Variants in RAB44 observed in about 807,000 individuals in gnomAD.
RAB44 encodes RAB44, member RAS oncogene family.
RAB44 carries 67 observed loss-of-function variants against 93.3 expected under a neutral mutation model. The observed-to-expected ratio is 0.72, with a 90% CI of 0.59 to 0.88. RAB44 has a LOEUF of 0.88. Ranked by LOEUF, RAB44 falls within the 40% of genes least tolerant of loss-of-function variation. The probability of loss-of-function intolerance (pLI) is 0.00; values close to 1 mark genes in which losing one functional copy is unlikely to be tolerated. For synonymous variants in RAB44, 427 were observed against 520.3 expected, an observed-to-expected ratio of 0.82 and a Z score of 2.44; for missense variants, 1,064 against 1,261.7, an observed-to-expected ratio of 0.84 and a Z score of 2.37.
At chr6:36,698,707 AGGGT>A (rs989468616) in intron 1 of RAB44, among the ~76,000 whole-genome samples, 3 of 151,876 alleles carry the variant, frequency 2.0e-5, no homozygotes, top group Admixed American at 2.0e-4. Context: ...GGGCGCTGGC[AGGGT>A]GGCCCTGCCA....
Position 36,722,483 on chromosome 6 carries a change from C to G in RAB44, c.2349C>G (p.His783Gln), listed in dbSNP as rs894212630. 2.0e-6 allele frequency: 3 copies of G among 1,475,078 alleles called. No homozygotes were observed. The highest frequency in any genetic ancestry group is 2.7e-6 in the Non-Finnish European group (3 of 1,113,750). 91.4% of individuals were successfully genotyped at this position (1,475,078 alleles called of 1,614,324 possible). A position where few individuals can be genotyped will look rare whatever the true frequency, so the allele number is the denominator to read the frequency against. ...CCAGGCCATCCCTCACGACTGCTCA[C>G]GCAGAAGAACAAGGCCCGCCTCACT... ...AQPRPSLTTAHAEEQGPPHSR... is the reference protein window; with the variant it reads ...AQPRPSLTTAQAEEQGPPHSR... The change falls in exon 9 of 14, where the codon CAC becomes CAG. Residue 783 changes from histidine to glutamine, a missense_variant. By Grantham distance (24) the His-to-Gln change is conservative. Transcript: ENST00000612677.
chr6:36,707,359 C>CAA (rs71540164), intron 2 of RAB44, among the ~76,000 whole-genome samples: 2 of 119,554 alleles, frequency 1.7e-5, no homozygotes, highest in Admixed American at 8.6e-5. Context: ...GGCTCTGTCT[C>CAA]AAAAAAAAAA....
At chr6:36,704,153 G>A (rs1379460640) in intron 1 of RAB44, 71 bp from the exon 2 acceptor site, 10 of 1,321,306 alleles carry the variant, frequency 7.6e-6, no homozygotes, top group Middle Eastern at 2.1e-4. Context: ...ATGGGAGCCA[G>A]GGGAGGGTTT....
At chr6:36,716,469 C>CA (rs567193522) in intron 4 of RAB44, among the ~76,000 whole-genome samples, 14,410 of 75,968 alleles carry the variant, frequency 0.19, 959 homozygotes, top group East Asian at 0.25. Flanking sequence ...GACTCTGTCT[C>CA]AAAAAAAAAA....
chr6:36,723,962 C>T (rs145448294), intron 9 of RAB44, among the ~76,000 whole-genome samples: 10 of 151,422 alleles, frequency 6.6e-5, no homozygotes, highest in East Asian at 3.9e-4. Context: ...CCAGACCAGT[C>T]GGTAAATGAC....
chr6:36,721,245 G>A lies in RAB44; in HGVS notation c.1111G>A (p.Asp371Asn). 3.2e-6 allele frequency: 4 copies of A among 1,234,268 alleles called. No individual in the cohort carries two copies. Among genetic ancestry groups the A allele is most frequent in the Non-Finnish European group, 4.0e-6 (4 of 988,220 alleles). 76.5% of individuals were successfully genotyped at this position (1,234,268 alleles called of 1,614,324 possible). Residue 371 changes from aspartate to asparagine, a missense_variant, in exon 9 of 14, where the codon GAC becomes AAC. Transcript: ENST00000612677. ...PGLFGDNDDW[D>N]QLLSNFGSPP... Reference sequence around the variant, plus strand: ...GCTATTTGGGGACAACGATGACTGGGACCAGCTACTGAGCAACTTTGGCAG... The same window carrying A: ...GCTATTTGGGGACAACGATGACTGGAACCAGCTACTGAGCAACTTTGGCAG...
At chr6:36,702,749 C>T (rs892331050) in intron 1 of RAB44, among the ~76,000 whole-genome samples, 9 of 152,212 alleles carry the variant, frequency 5.9e-5, no homozygotes, top group South Asian at 2.1e-4. Context: ...GACTTGTTCC[C>T]GCAAAGCAGG....
In RAB44 at chr6:36,717,621, G is replaced by A. The variant is rs1315010293; in HGVS notation, c.641+202G>A. Among the ~76,000 whole-genome samples, 4 of 152,014 alleles carry A rather than the reference G, an allele frequency of 2.6e-5. No individual in the cohort carries two copies. In the East Asian group the frequency reaches 7.7e-4, roughly 29 times the overall value. ...ATGGCAGGAGTGGGAAGGGCAGGGT[G>A]TGTCTTGGTACAGGACCCACTGTGA... On this transcript the variant is annotated intron_variant, in intron 5 of 13. Coordinates refer to ENST00000612677, the MANE Select transcript of RAB44 (RefSeq NM_001257357.2). The surrounding 1 kb of genome is among the most constrained non-coding windows in gnomAD (Gnocchi z 4.1).
In RAB44 at chr6:36,722,869, A is replaced by G. The variant is rs1763132865; in HGVS notation, c.2599+136A>G. ...CCTGGCCACGGGCCCTGCATTAGAC[A>G]TTGTTTTATATGGGCATAACCTTAC... On this transcript the variant is annotated intron_variant, in intron 9 of 13. Transcript: ENST00000612677. 1.2e-5 allele frequency: 11 copies of G among 946,158 alleles called. No homozygotes were observed. The Admixed American group carries it at 3.1e-4, about 27-fold the overall frequency. 58.6% of individuals were successfully genotyped at this position (946,158 alleles called of 1,614,324 possible). A position where few individuals can be genotyped will look rare whatever the true frequency, so the allele number is the denominator to read the frequency against.
In RAB44 at chr6:36,721,521, C is replaced by A; in HGVS notation, c.1387C>A (p.Pro463Thr). 8.1e-7 allele frequency: 1 copy of A among 1,234,548 alleles called. No individual in the cohort carries two copies. Among genetic ancestry groups the A allele is most frequent in the Non-Finnish European group, 1.0e-6 (1 of 988,336 alleles). The allele number at this position is 1,234,548 out of a possible 1,614,324, so 76.5% of individuals were successfully genotyped here. Reference sequence around the variant, plus strand: ...CATTAGAGCAGAGCAGCCTGTTGAACCGCACGACCCGGACCCCAACCAGGA... The same window carrying A: ...CATTAGAGCAGAGCAGCCTGTTGAAACGCACGACCCGGACCCCAACCAGGA... ...QDIRAEQPVE[P>T]HDPDPNQEPG... is the part of the protein sequence containing the mutation. The change falls in exon 9 of 14, where the codon CCG (proline) becomes ACG (threonine). Residue 463 changes from proline to threonine, a missense_variant. By Grantham distance (38) the Pro-to-Thr change is conservative. Transcript: ENST00000612677.
intron 9 of RAB44, among the ~76,000 whole-genome samples, chr6:36,725,645 T>C (rs1763218099): frequency 6.6e-6 from 1 of 152,218 alleles, no homozygotes; most frequent in Admixed American, 6.5e-5. Flanking sequence ...CAAGGTGCCC[T>C]GTGTTGGCAC....
rs1264052619 is a variant in RAB44 at position 36,721,956 on chromosome 6, A to G, written c.1822A>G (p.Arg608Gly). ...SEPRLGTQRA[R>G]ALTLGPAEPF... is the part of the protein sequence containing the mutation. ...GCCAAGACTGGGGACCCAGAGGGCT[A>G]GAGCCCTCACCCTGGGGCCAGCTGA... The change falls in exon 9 of 14, where the codon AGA (arginine) becomes GGA (glycine). Residue 608 changes from arginine to glycine, a missense_variant. Transcript: ENST00000612677. 1.6e-6 allele frequency: 2 copies of G among 1,234,600 alleles called. No homozygotes were observed. The highest frequency in any genetic ancestry group is 6.3e-5 in the East Asian group (2 of 31,712). The allele number at this position is 1,234,600 out of a possible 1,614,324, so 76.5% of individuals were successfully genotyped here. A position where few individuals can be genotyped will look rare whatever the true frequency, so the allele number is the denominator to read the frequency against.
intron 9 of RAB44, among the ~76,000 whole-genome samples, 178 bp downstream of exon 9, chr6:36,722,911 T>C (rs1021660462): frequency 5.3e-5 from 8 of 152,276 alleles, no homozygotes; most frequent in African/African-American, 1.9e-4. Context: ...ACTAATCGTC[T>C]CTAATTACAG....
chr6:36,715,547 G>T lies in RAB44; in HGVS notation c.388G>T (p.Val130Leu). 3.3e-6 allele frequency: 5 copies of T among 1,536,174 alleles called. No individual in the cohort carries two copies. The highest frequency in any genetic ancestry group is 4.4e-6 in the Non-Finnish European group (5 of 1,146,920). ...AAGGAAGCCACTGCCCTCTAAGCGG[G>T]TATCTGCTACCACCAGCTTCCCAGC... Reference protein sequence around the residue: ...RRRKPLPSKRVSATTSFPALE... With the variant: ...RRRKPLPSKRLSATTSFPALE... The change falls in exon 4 of 14, where the codon GTA (valine) becomes TTA (leucine). Residue 130 changes from valine to leucine, a missense_variant. Val to Leu is a conservative substitution (Grantham distance 32). Transcript: ENST00000612677.
At position 36,731,977 on chromosome 6, in the gene RAB44, G is replaced by T; in HGVS notation, c.2976-26G>T. The T allele has an allele frequency of 2.4e-6, 3 of 1,229,202 alleles. No homozygotes were observed. Among genetic ancestry groups the T allele is most frequent in the Non-Finnish European group, 3.0e-6 (3 of 984,452 alleles). 76.1% of individuals were successfully genotyped at this position (1,229,202 alleles called of 1,614,324 possible). A position where few individuals can be genotyped will look rare whatever the true frequency, so the allele number is the denominator to read the frequency against. On this transcript the variant is annotated intron_variant, in intron 13 of 13. Transcript: ENST00000612677. This position sits in a 1 kb window ranked among gnomAD's most constrained non-coding sequence, Gnocchi z 4.0. Reference sequence around the variant, plus strand: ...GCTGCCCGTAGGAGGTGAGAGAGAGGCCTGATGCCTGGCACTGTCACATAG... The same window carrying T: ...GCTGCCCGTAGGAGGTGAGAGAGAGTCCTGATGCCTGGCACTGTCACATAG...
intron 11 of RAB44, 89 bp from the exon 12 acceptor site, chr6:36,728,611 G>A (rs1409345626): frequency 5.7e-5 from 58 of 1,016,370 alleles, no homozygotes; most frequent in South Asian, 4.4e-4. Flanking sequence ...GGGAACATGC[G>A]GGGGACACAG....
rs1763374598 is a variant in RAB44 at position 36,732,016 on chromosome 6, C to A, written c.2989C>A (p.Gln997Lys). The A allele has an allele frequency of 4.1e-6, 5 of 1,234,182 alleles. No homozygotes were observed. In the South Asian group the frequency reaches 1.2e-4, roughly 30 times the overall value. The allele number at this position is 1,234,182 out of a possible 1,614,324, so 76.5% of individuals were successfully genotyped here. A position where few individuals can be genotyped will look rare whatever the true frequency, so the allele number is the denominator to read the frequency against. The change falls in exon 14 of 14, where the codon CAA becomes AAA. Residue 997 changes from glutamine to lysine, a missense_variant. Physicochemically the swap from Gln to Lys is moderately conservative, Grantham distance 53. Coordinates refer to ENST00000612677, the MANE Select transcript of RAB44 (RefSeq NM_001257357.2). Reference sequence around the variant, plus strand: ...ACTGTCACATAGGTCACTCAGGATGCAAGAAGAAGGCCTGAAGGACTCGCT... The same window carrying A: ...ACTGTCACATAGGTCACTCAGGATGAAAGAAGAAGGCCTGAAGGACTCGCT... ...VVNLARSLRM[Q>K]EEGLKDSLVK...
rs564653772 is a variant in RAB44 at position 36,727,605 on chromosome 6, C to T, written c.2710C>T (p.Arg904Cys). 1.3e-5 allele frequency: 20 copies of T among 1,550,558 alleles called. No individual in the cohort carries two copies. Among genetic ancestry groups the T allele is most frequent in the African/African-American group, 1.1e-4 (8 of 73,172 alleles). ...RYHSMTRQLL[R>C]KADGVVLMYD... is the part of the protein sequence containing the mutation. ...CCACAGTATGACGCGACAGCTGCTC[C>T]GCAAGGCTGACGGGGTGGTGCTCAT... The change falls in exon 11 of 14, where the codon CGC becomes TGC. Residue 904 changes from arginine (R) to cysteine (C), a missense_variant. Physicochemically the swap from Arg to Cys is radical, Grantham distance 180. Transcript: ENST00000612677.
intron 1 of RAB44, among the ~76,000 whole-genome samples, chr6:36,700,762 C>T (rs1472984380): frequency 2.6e-5 from 4 of 152,292 alleles, no homozygotes; most frequent in African/African-American, 9.6e-5. Flanking sequence ...GTTTATTAAT[C>T]CCCTTCTATG....
Sources: gnomAD v4.1 joint callset for allele counts (sites outside exome capture counted in the v4.1 genomes callset) on GRCh38, gnomAD v4.1.1 for gene constraint, Gnocchi (gnomAD v3.1) non-coding constraint, MANE v1.5 for transcripts, NCBI Gene and HGNC (gene_info 2026-07-23, HGNC 2026-07-21) for gene names.